Variants in MCU observed in about 807,000 individuals in gnomAD.
MCU encodes mitochondrial calcium uniporter.
A neutral mutation model predicts 45.2 loss-of-function variants in MCU; 12 were observed. The observed-to-expected ratio is 0.27, with a 90% CI of 0.17 to 0.43. The LOEUF (loss-of-function observed/expected upper bound fraction) is 0.43, where lower values mean the gene tolerates loss of function less well. MCU is among the 20% of genes least tolerant of loss of function. The probability of loss-of-function intolerance (pLI) is 1.00; values close to 1 mark genes in which losing one functional copy is unlikely to be tolerated. For missense variants in MCU, 324 were observed against 436.7 expected, an observed-to-expected ratio of 0.74 and a Z score of 2.30; for synonymous variants, 160 against 165.1, an observed-to-expected ratio of 0.97 and a Z score of 0.24.
chr10:72,861,025 G>T (rs1277176937), intron 4 of MCU, among the ~76,000 whole-genome samples: 5 of 151,864 alleles, frequency 3.3e-5, no homozygotes, highest in African/African-American at 4.8e-5. Context: ...TTTTGTTGTT[G>T]TTGTTTTTTG....
chr10:72,861,278 GT>G (rs1339387457), intron 4 of MCU, among the ~76,000 whole-genome samples: 3 of 151,856 alleles, frequency 2.0e-5, no homozygotes, highest in Admixed American at 6.6e-5. Context: ...CTCCCTCTCT[GT>G]CCTCCCAGAG....
chr10:72,835,055 A>G (rs140510260), intron 2 of MCU, among the ~76,000 whole-genome samples: 1 of 152,316 alleles, frequency 6.6e-6, no homozygotes, highest in African/African-American at 2.4e-5. Flanking sequence ...GATAATGATC[A>G]AACACTCCAG....
chr10:72,861,376 G>GT (rs1270725193), intron 4 of MCU, among the ~76,000 whole-genome samples: 1 of 151,796 alleles, frequency 6.6e-6, no homozygotes, highest in African/African-American at 2.4e-5. Flanking sequence ...GACACAAATT[G>GT]TAAGAGGGCA....
At chr10:72,806,457 G>T (rs1844453124) in intron 1 of MCU, among the ~76,000 whole-genome samples, 1 of 152,164 alleles carries the variant, frequency 6.6e-6, no homozygotes, top group East Asian at 1.9e-4. Flanking sequence ...ACCGCGCCCG[G>T]CATGAAGAGC....
At chr10:72,795,721 C>A (rs1454642821) in intron 1 of MCU, among the ~76,000 whole-genome samples, 1 of 152,024 alleles carries the variant, frequency 6.6e-6, no homozygotes, top group African/African-American at 2.4e-5. Context: ...ACTCTGGGGC[C>A]GGGCACAGTG....
intron 4 of MCU, among the ~76,000 whole-genome samples, chr10:72,867,304 T>TA (rs1406976532): frequency 6.6e-6 from 1 of 151,940 alleles, no homozygotes; most frequent in South Asian, 2.1e-4. Context: ...AAATTGTGCT[T>TA]AAAAAAAATT....
chr10:72,869,011 T>A, intron 5 of MCU, 148 bp downstream of exon 5: 2 of 807,564 alleles, frequency 2.5e-6, no homozygotes, highest in Non-Finnish European at 1.9e-6. Flanking sequence ...TAAAAAAGTT[T>A]AAGTCAAAGC....
intron 1 of MCU, among the ~76,000 whole-genome samples, chr10:72,809,726 A>T (rs147773842): frequency 6.6e-6 from 1 of 152,322 alleles, no homozygotes; most frequent in East Asian, 1.9e-4. Context: ...CTCCAAACAG[A>T]ATAAGTATGA....
At chr10:72,815,656 A>G (rs1350370472) in intron 1 of MCU, among the ~76,000 whole-genome samples, 2 of 152,216 alleles carry the variant, frequency 1.3e-5, no homozygotes, top group Non-Finnish European at 1.5e-5. Context: ...AAATATTAAT[A>G]CACGGATGTG....
intron 6 of MCU, among the ~76,000 whole-genome samples, chr10:72,878,012 T>G (rs764062768): frequency 1.3e-5 from 2 of 151,874 alleles, no homozygotes; most frequent in Non-Finnish European, 2.9e-5. Flanking sequence ...AATCCCCGAG[T>G]GCTGATGCTC....
chr10:72,783,368 C>T (rs1251138553), intron 1 of MCU, among the ~76,000 whole-genome samples: 2 of 152,238 alleles, frequency 1.3e-5, no homozygotes, highest in Admixed American at 6.5e-5. Context: ...GGACATCACA[C>T]TGGTGGCTCT....
At chr10:72,810,918 A>T (rs1426436903) in intron 1 of MCU, among the ~76,000 whole-genome samples, 1 of 152,192 alleles carries the variant, frequency 6.6e-6, no homozygotes, top group African/African-American at 2.4e-5. Flanking sequence ...ATGCCAGAGA[A>T]CATAGTTAAA....
chr10:72,780,949 C>T (rs536591531), intron 1 of MCU, among the ~76,000 whole-genome samples: 2 of 151,934 alleles, frequency 1.3e-5, no homozygotes, highest in African/African-American at 2.4e-5. Flanking sequence ...TTGTGATACC[C>T]GTTTAGTTGG....
rs1167150766 is a variant in MCU, at chr10:72,829,324, A to T, written c.151-5035A>T. Among the ~76,000 whole-genome samples, 6 of 16,008 alleles carry T rather than the reference A, an allele frequency of 3.7e-4. No individual in the cohort carries two copies. The African/African-American group carries it at 5.1e-3, about 14-fold the overall frequency. 10.5% of individuals were successfully genotyped at this position (16,008 alleles called of 152,430 possible). A position where few individuals can be genotyped will look rare whatever the true frequency, so the allele number is the denominator to read the frequency against. ...GGCAACAGAGAGAGACACTGTCTCA[A>T]AAAAAAAAAAAAAAAAAAGTTCCTA... On this transcript the variant is annotated intron_variant, in intron 1 of 7. Coordinates refer to ENST00000373053, the MANE Select transcript of MCU (RefSeq NM_138357.3).
chr10:72,882,511 G>C (rs1233416756), intron 6 of MCU, among the ~76,000 whole-genome samples: 6 of 152,226 alleles, frequency 3.9e-5, no homozygotes, highest in East Asian at 1.9e-4. Context: ...CTTGGGTGTG[G>C]CCGTCTTCTA....
intron 6 of MCU, among the ~76,000 whole-genome samples, chr10:72,881,182 T>C (rs954769758): frequency 6.6e-6 from 1 of 152,098 alleles, no homozygotes; most frequent in African/African-American, 2.4e-5. Context: ...TTTCAATAAA[T>C]GGTGCTAGGA....
chr10:72,855,631 T>C (rs1845277530), intron 2 of MCU, among the ~76,000 whole-genome samples: 1 of 152,162 alleles, frequency 6.6e-6, no homozygotes, highest in South Asian at 2.1e-4. Flanking sequence ...GAAAAAATCC[T>C]TTTTAAAGAG....
chr10:72,882,440 A>T (rs994590568), intron 6 of MCU, among the ~76,000 whole-genome samples: 1 of 152,222 alleles, frequency 6.6e-6, no homozygotes, highest in Non-Finnish European at 1.5e-5. Context: ...TCTTTTTCTC[A>T]GCAAGGAACA....
At chr10:72,881,634 A>G (rs1845702662) in intron 6 of MCU, among the ~76,000 whole-genome samples, 1 of 152,264 alleles carries the variant, frequency 6.6e-6, no homozygotes, top group Admixed American at 6.5e-5. Flanking sequence ...CAAAGGATCT[A>G]TATCCAGAAT....
Sources: gnomAD v4.1 joint callset for allele counts (sites outside exome capture counted in the v4.1 genomes callset) on GRCh38, gnomAD v4.1.1 for gene constraint, MANE v1.5 for transcripts, NCBI Gene and HGNC (gene_info 2026-07-23, HGNC 2026-07-21) for gene names.